Variants in INSL6 observed in about 807,000 individuals in gnomAD.
INSL6 encodes the protein insulin like 6.
A neutral mutation model predicts 9.4 loss-of-function variants in INSL6; 16 were observed. That is an observed-to-expected ratio of 1.70 (90% CI 1.15 to 2.59). The LOEUF (loss-of-function observed/expected upper bound fraction) is 2.59, where lower values mean the gene tolerates loss of function less well. Ranked by LOEUF, INSL6 falls within the 30% of genes most tolerant of loss-of-function variation. INSL6 has a pLI of 0.00. For missense variants in INSL6, 391 were observed against 257.3 expected (o/e 1.52, Z -3.56); for synonymous variants, 154 against 96.9 (o/e 1.59, Z -3.46).
chr9:5,114,720 A>G, the INSL6 span: 2 of 380,282 alleles, frequency 5.3e-6, no homozygotes, highest in South Asian at 4.2e-5. Flanking sequence ...ATGGGAACAG[A>G]AAAACGAGTT....
chr9:5,145,145 T>G (rs898538758), intron 2 of INSL6, among the ~76,000 whole-genome samples: 1 of 152,224 alleles, frequency 6.6e-6, no homozygotes, highest in Non-Finnish European at 1.5e-5. Context: ...AGAGCTTTTG[T>G]AAGGCAGGTC....
the INSL6 span, among the ~76,000 whole-genome samples, chr9:5,042,994 G>A: frequency 6.6e-6 from 1 of 152,218 alleles, no homozygotes; most frequent in African/African-American, 2.4e-5. Flanking sequence ...GAGGGGGGTG[G>A]GCCGGCTGGC....
chr9:5,075,179 A>G, the INSL6 span, among the ~76,000 whole-genome samples: 1 of 152,144 alleles, frequency 6.6e-6, no homozygotes, highest in Non-Finnish European at 1.5e-5. Flanking sequence ...AAAAGAAGCC[A>G]TGTGCACAGC....
At chr9:5,036,201 A>G in the INSL6 span, among the ~76,000 whole-genome samples, 1 of 152,180 alleles carries the variant, frequency 6.6e-6, no homozygotes. Context: ...GGAGAACTAC[A>G]AACCACTGCT....
At chr9:5,053,455 T>C in the INSL6 span, among the ~76,000 whole-genome samples, 2 of 152,130 alleles carry the variant, frequency 1.3e-5, no homozygotes, top group African/African-American at 4.8e-5. Context: ...CCTGAAGGTA[T>C]CATTTGTAGC....
intron 3 of INSL6, chr9:5,126,860 GGACT>G: frequency 3.5e-6 from 3 of 862,440 alleles, no homozygotes; most frequent in Non-Finnish European, 5.6e-6. Flanking sequence ...ACATTGCTGT[GGACT>G]ATTATTACAT....
chr9:5,184,767 TG>T (rs1564059245), intron 1 of INSL6, among the ~76,000 whole-genome samples: 1 of 152,240 alleles, frequency 6.6e-6, no homozygotes, highest in East Asian at 1.9e-4. Context: ...GCCTATCTCC[TG>T]GTACGTGACC....
chr9:5,086,782 A>G, the INSL6 span, among the ~76,000 whole-genome samples: 1 of 152,112 alleles, frequency 6.6e-6, no homozygotes, highest in African/African-American at 2.4e-5. Context: ...TATCTTTGGT[A>G]TTGCTAGTGT....
chr9:5,177,886 TC>T (rs1482287436), intron 1 of INSL6, among the ~76,000 whole-genome samples: 1 of 152,122 alleles, frequency 6.6e-6, no homozygotes, highest in African/African-American at 2.4e-5. Flanking sequence ...TTCTTCTTTT[TC>T]TTTTTTGAGT....
chr9:5,066,926 C>G, the INSL6 span: 5 of 385,740 alleles, frequency 1.3e-5, no homozygotes, highest in Non-Finnish European at 2.3e-5. Flanking sequence ...TGCTTAATTT[C>G]CTCAGAGATT....
chr9:5,160,341 T>C (rs1423784417), downstream of INSL6, among the ~76,000 whole-genome samples: 2 of 152,132 alleles, frequency 1.3e-5, no homozygotes, highest in African/African-American at 4.8e-5. Context: ...AACATGCTCC[T>C]GAATGACCAG....
the INSL6 span, among the ~76,000 whole-genome samples, chr9:5,093,533 A>G: frequency 1.3e-5 from 2 of 152,202 alleles, no homozygotes; most frequent in Non-Finnish European, 2.9e-5. Context: ...AGAAGACCCC[A>G]TGGCACTTTA....
chr9:5,178,554 G>A lies in INSL6; in HGVS notation c.289+6760C>T, dbSNP rs77613857. On this transcript the variant is annotated intron_variant, in intron 1 of 1. Coordinates refer to ENST00000381641, the MANE Select transcript of INSL6 (RefSeq NM_007179.3). ...CTCTGGAACAAAGTTCCTGTGGGGA[G>A]GGGCAGCCACCATCTCTGTGGTTTC... Among the ~76,000 whole-genome samples, 849 of 152,314 alleles carry A rather than the reference G, an allele frequency of 5.6e-3. 4 individuals are homozygous for A. Among genetic ancestry groups the A allele is most frequent in the African/African-American group, 0.019 (783 of 41,574 alleles).
At chr9:5,074,697 G>T in the INSL6 span, among the ~76,000 whole-genome samples, 1 of 152,102 alleles carries the variant, frequency 6.6e-6, no homozygotes, top group African/African-American at 2.4e-5. Context: ...ATCACACAAT[G>T]GTCTTTAAAT....
At chr9:5,085,368 C>T in the INSL6 span, 1 of 904,118 alleles carries the variant, frequency 1.1e-6, no homozygotes, top group Non-Finnish European at 1.8e-6. Flanking sequence ...GATAGGTGAT[C>T]TCATGCACCA....
chr9:5,154,523 A>G (rs1285599513), intron 2 of INSL6, among the ~76,000 whole-genome samples: 1 of 152,236 alleles, frequency 6.6e-6, no homozygotes, highest in African/African-American at 2.4e-5. Flanking sequence ...AACTACCATC[A>G]GAGTGAACAG....
chr9:5,062,170 C>G, the INSL6 span, among the ~76,000 whole-genome samples: 1 of 151,848 alleles, frequency 6.6e-6, no homozygotes, highest in African/African-American at 2.4e-5. Flanking sequence ...ATATAGTATT[C>G]ACAGGATGCA....
intron 1 of INSL6, among the ~76,000 whole-genome samples, chr9:5,182,151 C>A (rs1825470137): frequency 6.6e-6 from 1 of 151,964 alleles, no homozygotes; most frequent in African/African-American, 2.4e-5. Flanking sequence ...GTAGGGAGTT[C>A]AAGGCTACAT....
At chr9:5,067,297 TC>T in the INSL6 span, among the ~76,000 whole-genome samples, 1 of 152,114 alleles carries the variant, frequency 6.6e-6, no homozygotes, top group Non-Finnish European at 1.5e-5. Context: ...AATGCATGTT[TC>T]AACGGTAAAA....
Sources: allele counts gnomAD v4.1 joint callset (sites outside exome capture counted in the v4.1 genomes callset), GRCh38; gene constraint gnomAD v4.1.1; transcripts MANE v1.5; gene names NCBI Gene and HGNC (gene_info 2026-07-23, HGNC 2026-07-21).